ARHGAP28: variants seen among roughly 807,000 people sequenced by gnomAD.
ARHGAP28 encodes Rho GTPase activating protein 28.
ARHGAP28 carries 56 observed loss-of-function variants against 90.7 expected under a neutral mutation model. That is an observed-to-expected ratio of 0.62 (90% CI 0.50 to 0.77). ARHGAP28 has a LOEUF of 0.77. ARHGAP28 is among the 30% of genes least tolerant of loss of function. ARHGAP28 has a pLI of 0.00. For synonymous variants in ARHGAP28, 308 were observed against 323.3 expected, an observed-to-expected ratio of 0.95 and a Z score of 0.51; for missense variants, 869 against 900.9, an observed-to-expected ratio of 0.96 and a Z score of 0.45.
rs2057415222 is a variant in ARHGAP28, at chr18:6,914,872, A to C, written c.*2718A>C. On this transcript the variant is annotated 3_prime_UTR_variant, in exon 18 of 18. Coordinates refer to ENST00000383472, the MANE Select transcript of ARHGAP28 (RefSeq NM_001366230.1). ...AGAAGATCCCTTTGTTAAGCAGCTC[A>C]CTTGGAAATATGATTCTTGGAGTCA... 1 of 152,618 alleles carries C rather than the reference A, an allele frequency of 6.6e-6. No individual in the cohort carries two copies. Among genetic ancestry groups the C allele is most frequent in the Non-Finnish European group, 1.5e-5 (1 of 68,042 alleles). The allele number at this position is 152,618 out of a possible 1,614,324, so 9.5% of individuals were successfully genotyped here.
chr18:6,811,725 T>C (rs2056558190), intron 1 of ARHGAP28, among the ~76,000 whole-genome samples: 1 of 148,976 alleles, frequency 6.7e-6, no homozygotes. Flanking sequence ...GTGCTGTTTT[T>C]TCTTTTTTTT....
intron 2 of ARHGAP28, among the ~76,000 whole-genome samples, chr18:6,826,144 T>G (rs1224336221): frequency 6.6e-6 from 1 of 152,030 alleles, no homozygotes. Context: ...TGTTTGTTTT[T>G]TTGACTGTTT....
intron 1 of ARHGAP28, among the ~76,000 whole-genome samples, chr18:6,777,724 CAATGAATG>C (rs899041714): frequency 7.9e-5 from 12 of 151,326 alleles, no homozygotes; most frequent in Middle Eastern, 3.4e-3. Context: ...GACCCTGTCT[CAATGAATG>C]AATGAATGAA....
At chr18:6,821,330 TGTG>T (rs1049807264) in intron 1 of ARHGAP28, among the ~76,000 whole-genome samples, 2 of 152,302 alleles carry the variant, frequency 1.3e-5, no homozygotes, top group African/African-American at 4.8e-5. Flanking sequence ...TTTTAAACCT[TGTG>T]GTGTTTTTCC....
chr18:6,855,784 C>T lies in ARHGAP28; in HGVS notation c.637-4024C>T, dbSNP rs563657809. ...GGATCTCCAGGCTTCTAGGCACCACCGCATTCCCTGGTGCCCACAGTGGAA... is the reference window on the plus strand; with the variant it reads ...GGATCTCCAGGCTTCTAGGCACCACTGCATTCCCTGGTGCCCACAGTGGAA... On this transcript the variant is annotated intron_variant, in intron 4 of 17. Transcript: ENST00000383472. 7.9e-5 allele frequency among the ~76,000 whole-genome samples: 12 copies of T among 152,336 alleles called. No homozygotes were observed. In the East Asian group the frequency reaches 9.7e-4, roughly 12 times the overall value.
chr18:6,828,511 G>A (rs1006291940), intron 2 of ARHGAP28, among the ~76,000 whole-genome samples: 1 of 152,222 alleles, frequency 6.6e-6, no homozygotes, highest in Non-Finnish European at 1.5e-5. Flanking sequence ...CTGATGTCAG[G>A]AAGGATATTT....
chr18:6,764,202 T>G lies in ARHGAP28; in HGVS notation c.122+34259T>G, dbSNP rs540148385. 3.9e-5 allele frequency among the ~76,000 whole-genome samples: 6 copies of G among 152,284 alleles called. No individual in the cohort carries two copies. In the East Asian group the frequency reaches 1.2e-3, roughly 29 times the overall value. On this transcript the variant is annotated intron_variant, in intron 1 of 17. Transcript: ENST00000383472. ...AAAAAGAACATGAATTGGTACCTTTTCTAGAATTTCACAGGCACTTCCTAC... is the reference window on the plus strand; with the variant it reads ...AAAAAGAACATGAATTGGTACCTTTGCTAGAATTTCACAGGCACTTCCTAC...
chr18:6,768,790 A>G (rs1030707177), intron 1 of ARHGAP28, among the ~76,000 whole-genome samples: 1 of 152,002 alleles, frequency 6.6e-6, no homozygotes, highest in African/African-American at 2.4e-5. Flanking sequence ...GTGAGACCCC[A>G]GTGTTCTTGG....
intron 1 of ARHGAP28, among the ~76,000 whole-genome samples, chr18:6,818,569 G>A (rs2056606809): frequency 6.6e-6 from 1 of 152,194 alleles, no homozygotes; most frequent in Non-Finnish European, 1.5e-5. Flanking sequence ...ATTGATGAAT[G>A]AGAAGCAGGG....
chr18:6,805,449 T>C (rs901949493), intron 1 of ARHGAP28, among the ~76,000 whole-genome samples: 2 of 151,780 alleles, frequency 1.3e-5, no homozygotes, highest in African/African-American at 4.8e-5. Context: ...TGTTCTGTAT[T>C]GCTTTTTAAT....
intron 1 of ARHGAP28, among the ~76,000 whole-genome samples, chr18:6,768,834 C>T (rs1451521542): frequency 2.6e-5 from 4 of 152,122 alleles, no homozygotes; most frequent in African/African-American, 9.7e-5. Flanking sequence ...CTGGGCGGTT[C>T]ATCCGGGTGG....
At chr18:6,840,387 A>G (rs2056796990) in intron 3 of ARHGAP28, among the ~76,000 whole-genome samples, 2 of 152,346 alleles carry the variant, frequency 1.3e-5, no homozygotes, top group East Asian at 3.9e-4. Context: ...TAGAGAATGC[A>G]TAACTGTTCT....
At chr18:6,798,384 G>C (rs1338134659) in intron 1 of ARHGAP28, among the ~76,000 whole-genome samples, 1 of 152,012 alleles carries the variant, frequency 6.6e-6, no homozygotes, top group Non-Finnish European at 1.5e-5. Flanking sequence ...AGTAGAGACG[G>C]GGTTTTCCCA....
At chr18:6,758,914 G>A (rs2143314357) in intron 1 of ARHGAP28, among the ~76,000 whole-genome samples, 1 of 152,270 alleles carries the variant, frequency 6.6e-6, no homozygotes, top group Middle Eastern at 3.4e-3. Flanking sequence ...GATTTGTTGT[G>A]AAATAATGTG....
At chr18:6,765,540 T>A (rs2056193493) in intron 1 of ARHGAP28, among the ~76,000 whole-genome samples, 1 of 152,098 alleles carries the variant, frequency 6.6e-6, no homozygotes, top group Non-Finnish European at 1.5e-5. Flanking sequence ...AATTTATTAA[T>A]TTTACTTATC....
In ARHGAP28 at chr18:6,882,792, G is replaced by A. The variant is rs76110762; in HGVS notation, c.1453+493G>A. ...ACTTCACAGAAGATAATATGTCTCT[G>A]AAAATTACAAAGTCACATCATGTTT... On this transcript the variant is annotated intron_variant, in intron 11 of 17. Transcript: ENST00000383472. Among the ~76,000 whole-genome samples the A allele has an allele frequency of 3.7e-3, 568 of 152,294 alleles. 5 individuals carry two copies. Among genetic ancestry groups the A allele is most frequent in the African/African-American group, 0.013 (531 of 41,560 alleles).
chr18:6,817,339 AAAAC>A (rs770640634), intron 1 of ARHGAP28, among the ~76,000 whole-genome samples: 10 of 151,568 alleles, frequency 6.6e-5, no homozygotes, highest in Non-Finnish European at 1.2e-4. Flanking sequence ...AAACAAAAAA[AAAAC>A]AAAACAAAAC....
rs11552538 is a variant in ARHGAP28 at position 6,837,289 on chromosome 18, A to G, written c.418A>G (p.Thr140Ala). 6.2e-7 allele frequency: 1 copy of G among 1,611,914 alleles called. No homozygotes were observed. Among genetic ancestry groups the G allele is most frequent in the Non-Finnish European group, 8.5e-7 (1 of 1,179,106 alleles). The change falls in exon 3 of 18, where the codon ACA (threonine) becomes GCA (alanine). Residue 140 changes from threonine to alanine, a missense_variant. Transcript: ENST00000383472. ...GGAAGATGGCAAAGCCTTGCTCTCC[A>G]CATTGACTCGAACCCAAGCAGCTGC... ...EEEDGKALLS[T>A]LTRTQAAAVQ...
intron 2 of ARHGAP28, among the ~76,000 whole-genome samples, chr18:6,827,368 G>A (rs188084906): frequency 0.018 from 2,605 of 144,888 alleles, 103 homozygotes; most frequent in African/African-American, 0.064. Flanking sequence ...GCGGAGGGTT[G>A]ACCCCCCCAC....
Sources: gnomAD v4.1 joint callset for allele counts (sites outside exome capture counted in the v4.1 genomes callset) on GRCh38, gnomAD v4.1.1 for gene constraint, MANE v1.5 for transcripts, NCBI Gene and HGNC (gene_info 2026-07-23, HGNC 2026-07-21) for gene names.